The following PRPSAP2 variants were observed in gnomAD, a reference collection of about 807,000 sequenced individuals.
PRPSAP2 encodes phosphoribosyl pyrophosphate synthetase associated protein 2.
Under a neutral mutation model 40.6 loss-of-function variants are expected in PRPSAP2, and 24 were observed. The observed-to-expected ratio is 0.59, with a 90% confidence interval of 0.43 to 0.83. The LOEUF (loss-of-function observed/expected upper bound fraction) is 0.83, where lower values mean the gene tolerates loss of function less well. Ranked by LOEUF, PRPSAP2 falls within the 40% of genes least tolerant of loss-of-function variation. PRPSAP2 has a pLI of 0.00. For synonymous variants in PRPSAP2, 149 were observed against 164.7 expected, an observed-to-expected ratio of 0.90 and a Z score of 0.73; for missense variants, 292 against 465.6, an observed-to-expected ratio of 0.63 and a Z score of 3.43.
chr17:18,925,531 C>G (rs1418024444), intron 10 of PRPSAP2, among the ~76,000 whole-genome samples: 1 of 152,126 alleles, frequency 6.6e-6, no homozygotes, highest in African/African-American at 2.4e-5. Flanking sequence ...GTACTTCATT[C>G]TTTTTCACTG....
At chr17:18,892,646 C>G (rs1280444961) in intron 8 of PRPSAP2, among the ~76,000 whole-genome samples, 1 of 147,024 alleles carries the variant, frequency 6.8e-6, no homozygotes, top group African/African-American at 2.5e-5. Flanking sequence ...AGGCTGGGCT[C>G]AAACTCTTGG....
At chr17:18,894,477 G>GTTTTTTTTTTTT (rs1417463058) in intron 8 of PRPSAP2, among the ~76,000 whole-genome samples, 3 of 120,028 alleles carry the variant, frequency 2.5e-5, no homozygotes, top group African/African-American at 6.6e-5. Flanking sequence ...CTTTTCAATA[G>GTTTTTTTTTTTT]TCTTTTTTTT....
Position 18,867,350 on chromosome 17 carries a change from C to T in PRPSAP2, c.172+16C>T, listed in dbSNP as rs2037507599. 11 of 1,613,460 alleles carry T rather than the reference C, an allele frequency of 6.8e-6. No individual in the cohort carries two copies. Among genetic ancestry groups the T allele is most frequent in the Non-Finnish European group, 9.3e-6 (11 of 1,179,512 alleles). Reference sequence around the variant, plus strand: ...CCTAACAGAGGTGAGCTATCTTGGGCATGTGGAACATTGACCTTTTTGTGA... The same window carrying T: ...CCTAACAGAGGTGAGCTATCTTGGGTATGTGGAACATTGACCTTTTTGTGA... On this transcript the variant is annotated intron_variant, in intron 4 of 11. Coordinates refer to ENST00000268835, the MANE Select transcript of PRPSAP2 (RefSeq NM_002767.4).
intron 8 of PRPSAP2, among the ~76,000 whole-genome samples, chr17:18,897,729 C>T (rs2040000797): frequency 6.6e-6 from 1 of 152,194 alleles, no homozygotes; most frequent in African/African-American, 2.4e-5. Context: ...TCCCAAAATG[C>T]TGGGATTACA....
chr17:18,896,969 C>CT (rs147991226), intron 8 of PRPSAP2, among the ~76,000 whole-genome samples: 11,751 of 151,872 alleles, frequency 0.077, 541 homozygotes, highest in Middle Eastern at 0.14. Context: ...CACACAGTTT[C>CT]TTTTTTTTGA....
At chr17:18,924,473 A>T (rs1309568007) in intron 10 of PRPSAP2, among the ~76,000 whole-genome samples, 1 of 152,152 alleles carries the variant, frequency 6.6e-6, no homozygotes, top group Non-Finnish European at 1.5e-5. Context: ...TTTATTTTAA[A>T]ATTGCTCACT....
At chr17:18,900,219 G>A (rs781677857) in intron 8 of PRPSAP2, among the ~76,000 whole-genome samples, 1 of 151,714 alleles carries the variant, frequency 6.6e-6, no homozygotes, top group African/African-American at 2.4e-5. Flanking sequence ...ACGGGGTTTT[G>A]CCATGTTGGC....
chr17:18,864,470 T>G (rs2037285923), intron 1 of PRPSAP2, among the ~76,000 whole-genome samples: 1 of 151,904 alleles, frequency 6.6e-6, no homozygotes, highest in Non-Finnish European at 1.5e-5. Flanking sequence ...ATTTTTGTAT[T>G]TTTAGTAGAG....
At chr17:18,906,038 A>G (rs2040563696) in intron 8 of PRPSAP2, among the ~76,000 whole-genome samples, 1 of 152,214 alleles carries the variant, frequency 6.6e-6, no homozygotes, top group Non-Finnish European at 1.5e-5. Context: ...TAGGACAAAT[A>G]TTCTGTCTTA....
rs780059835 is a variant in PRPSAP2 at position 18,911,159 on chromosome 17, C to T, written c.641C>T (p.Ala214Val). The T allele has an allele frequency of 1.9e-5, 30 of 1,613,838 alleles. No individual in the cohort carries two copies. Among genetic ancestry groups the T allele is most frequent in the African/African-American group, 4.0e-5 (3 of 74,914 alleles). Residue 214 changes from alanine to valine, a missense_variant, in exon 9 of 12, where the codon GCG becomes GTG. Around this residue, in one of 2 missense-constraint regions of PRPSAP2, gnomAD observed 241 missense variants for 425.7 expected, o/e 0.57. Coordinates refer to ENST00000268835, the MANE Select transcript of PRPSAP2 (RefSeq NM_002767.4). This position sits in a 1 kb window ranked among gnomAD's most constrained non-coding sequence, Gnocchi z 4.5. ...GGAATTGCAGTGATTCATGGAGAGG[C>T]GCAGGATGCCGAGTCGGACTTGGTG... The part of the protein sequence containing the change: ...RLGIAVIHGE[A>V]QDAESDLVDG...
intron 5 of PRPSAP2, among the ~76,000 whole-genome samples, chr17:18,875,444 A>T (rs540935443): frequency 2.6e-5 from 4 of 152,176 alleles, no homozygotes; most frequent in African/African-American, 9.6e-5. Flanking sequence ...GAGCGCCTGT[A>T]GTCCCAGCTA....
intron 8 of PRPSAP2, among the ~76,000 whole-genome samples, chr17:18,890,996 A>G (rs2039512595): frequency 6.6e-6 from 1 of 152,210 alleles, no homozygotes; most frequent in Admixed American, 6.6e-5. Context: ...GATTTCTTAT[A>G]CTACCAGTGT....
chr17:18,863,831 CTT>C (rs34770102), intron 1 of PRPSAP2, among the ~76,000 whole-genome samples: 3 of 86,050 alleles, frequency 3.5e-5, no homozygotes, highest in African/African-American at 1.0e-4. Context: ...ACTGCGTGGC[CTT>C]TTTTTTTTTT....
intron 10 of PRPSAP2, among the ~76,000 whole-genome samples, chr17:18,925,242 A>G (rs933429772): frequency 3.3e-5 from 5 of 152,238 alleles, no homozygotes; most frequent in Non-Finnish European, 7.3e-5. Flanking sequence ...TTTAAAGAAT[A>G]GAATGAACAC....
intron 4 of PRPSAP2, among the ~76,000 whole-genome samples, chr17:18,868,661 C>T (rs1294544875): frequency 1.3e-5 from 2 of 151,600 alleles, no homozygotes. Context: ...GTTTTTGGCA[C>T]ACAGTAGGTG....
At chr17:18,877,539 T>A (rs932060715) in intron 5 of PRPSAP2, among the ~76,000 whole-genome samples, 159 bp from the exon 6 acceptor site, 2 of 152,024 alleles carry the variant, frequency 1.3e-5, no homozygotes, top group Non-Finnish European at 2.9e-5. Flanking sequence ...ATGGGGGATC[T>A]TATGGAGGCC....
chr17:18,869,128 C>T (rs2037652225), intron 4 of PRPSAP2, among the ~76,000 whole-genome samples: 1 of 152,094 alleles, frequency 6.6e-6, no homozygotes, highest in South Asian at 2.1e-4. Flanking sequence ...CATAAGACTC[C>T]AGGAGACTGG....
At chr17:18,917,272 G>C (rs1490747995) in intron 9 of PRPSAP2, among the ~76,000 whole-genome samples, 1 of 151,996 alleles carries the variant, frequency 6.6e-6, no homozygotes, top group African/African-American at 2.4e-5. Context: ...ACAGATGTGT[G>C]TGATTAAACT....
intron 4 of PRPSAP2, among the ~76,000 whole-genome samples, chr17:18,871,309 C>T (rs1208994369): frequency 1.3e-5 from 2 of 152,150 alleles, no homozygotes; most frequent in Non-Finnish European, 2.9e-5. Context: ...TGTGAGCCAC[C>T]GTGCCCAGCC....
Sources: gnomAD v4.1 joint callset for allele counts (sites outside exome capture counted in the v4.1 genomes callset) on GRCh38, gnomAD v4.1.1 for gene constraint, gnomAD v4.1.1 regional missense constraint, Gnocchi (gnomAD v3.1) non-coding constraint, MANE v1.5 for transcripts, NCBI Gene and HGNC (gene_info 2026-07-23, HGNC 2026-07-21) for gene names.